The following KCNG3 variants were observed in gnomAD, a reference collection of about 807,000 sequenced individuals.
The protein encoded by KCNG3 is voltage-gated potassium channel regulatory subunit KCNG3.
KCNG3 carries 15 observed loss-of-function variants against 29.0 expected under a neutral mutation model. That is an observed-to-expected ratio of 0.52 (90% CI 0.35 to 0.80). KCNG3 has a LOEUF of 0.80. Among genes scored for constraint, KCNG3 ranks in the 30% least tolerant of loss-of-function variants. The probability of loss-of-function intolerance (pLI) is 0.01; values close to 1 mark genes in which losing one functional copy is unlikely to be tolerated. For synonymous variants in KCNG3, 322 were observed against 248.9 expected (o/e 1.29, Z -2.76); for missense variants, 512 against 605.7 (o/e 0.85, Z 1.62).
chr2:42,396,156 C>A, the KCNG3 span, among the ~76,000 whole-genome samples: 7 of 152,190 alleles, frequency 4.6e-5, no homozygotes, highest in African/African-American at 1.7e-4. Flanking sequence ...GGAATAGTGA[C>A]ATGGGTACTC....
the KCNG3 span, among the ~76,000 whole-genome samples, chr2:42,407,860 C>A: frequency 6.6e-6 from 1 of 152,136 alleles, no homozygotes; most frequent in Non-Finnish European, 1.5e-5. Flanking sequence ...CCCGCCAACT[C>A]TGGGGCAGCT....
At chr2:42,430,056 G>C in the KCNG3 span, among the ~76,000 whole-genome samples, 1 of 152,046 alleles carries the variant, frequency 6.6e-6, no homozygotes, top group Non-Finnish European at 1.5e-5. Flanking sequence ...TTTTCTCTAA[G>C]CAAATTTTAT....
At chr2:42,452,243 A>ATATATATATATATATATATATATTTT in intron 1 of KCNG3, among the ~76,000 whole-genome samples, 45 of 95,014 alleles carry the variant, frequency 4.7e-4, no homozygotes, top group African/African-American at 1.7e-3. Flanking sequence ...ATATATATAT[A>ATATATATATATATATATATATATTTT]TTTTTTTTTT....
the KCNG3 span, among the ~76,000 whole-genome samples, chr2:42,404,076 G>A: frequency 1.2e-4 from 18 of 151,988 alleles, no homozygotes; most frequent in South Asian, 1.0e-3. Context: ...TGGGAAAACC[G>A]GCCCATAAAA....
intron 1 of KCNG3, among the ~76,000 whole-genome samples, chr2:42,464,203 T>C (rs370521788): frequency 1.4e-3 from 210 of 152,346 alleles, no homozygotes; most frequent in African/African-American, 4.9e-3. Flanking sequence ...TACTAGGTAC[T>C]CACTGCAAAC....
At chr2:42,417,880 G>A in the KCNG3 span, among the ~76,000 whole-genome samples, 1 of 152,024 alleles carries the variant, frequency 6.6e-6, no homozygotes, top group African/African-American at 2.4e-5. Flanking sequence ...GCTGAGGCAG[G>A]AGAATTGCTT....
At chr2:42,390,519 G>C in the KCNG3 span, among the ~76,000 whole-genome samples, 1 of 152,062 alleles carries the variant, frequency 6.6e-6, no homozygotes, top group African/African-American at 2.4e-5. Context: ...CAATCCCCAG[G>C]GGCAAAAGTG....
chr2:42,420,703 T>A, the KCNG3 span, among the ~76,000 whole-genome samples: 2 of 152,016 alleles, frequency 1.3e-5, no homozygotes, highest in Non-Finnish European at 2.9e-5. Context: ...GCAGGGAGAA[T>A]CACTTGAACT....
chr2:42,439,957 A>G (rs1423480508), downstream of KCNG3, among the ~76,000 whole-genome samples: 1 of 152,150 alleles, frequency 6.6e-6, no homozygotes, highest in Admixed American at 6.5e-5. Context: ...AAATATTTTT[A>G]AAAGAAATCC....
At chr2:42,449,715 T>C (rs1006354665) in intron 1 of KCNG3, among the ~76,000 whole-genome samples, 2 of 152,022 alleles carry the variant, frequency 1.3e-5, no homozygotes, top group Admixed American at 6.6e-5. Flanking sequence ...CCTCCCAGAG[T>C]GCTGGAATTA....
In KCNG3 at chr2:42,443,603, A is replaced by C; in HGVS notation, c.*331T>G. On this transcript the variant is annotated 3_prime_UTR_variant, in exon 2 of 2. Coordinates refer to ENST00000306078, the MANE Select transcript of KCNG3 (RefSeq NM_133329.6). ...TTCTTCTGAATTCATAAGATGGAAA[A>C]ACATTTGGAAAATAGTACCTTTCTG... 1 of 192,566 alleles carries C rather than the reference A, an allele frequency of 5.2e-6. No homozygotes were observed. The highest frequency in any genetic ancestry group is 1.1e-5 in the Non-Finnish European group (1 of 95,022). The allele number at this position is 192,566 out of a possible 1,614,324, so 11.9% of individuals were successfully genotyped here.
intron 1 of KCNG3, among the ~76,000 whole-genome samples, chr2:42,478,823 A>C (rs1002367270): frequency 5.3e-5 from 8 of 152,304 alleles, no homozygotes; most frequent in African/African-American, 1.9e-4. Context: ...TTCCTTTCTT[A>C]AAGTGTGCAT....
At chr2:42,484,510 A>G (rs1254357050) in intron 1 of KCNG3, among the ~76,000 whole-genome samples, 4 of 152,162 alleles carry the variant, frequency 2.6e-5, no homozygotes, top group African/African-American at 2.4e-5. Context: ...GTATGTGTGT[A>G]TATATATGTA....
At chr2:42,421,204 C>T in the KCNG3 span, among the ~76,000 whole-genome samples, 2 of 152,164 alleles carry the variant, frequency 1.3e-5, no homozygotes, top group African/African-American at 2.4e-5. Context: ...TGTGTTCATT[C>T]GACATTTACT....
chr2:42,473,560 G>C (rs955618008), intron 1 of KCNG3, among the ~76,000 whole-genome samples: 1 of 151,458 alleles, frequency 6.6e-6, no homozygotes, highest in East Asian at 2.0e-4. Context: ...ATGTTGGCCA[G>C]GCTGGTCTCG....
At chr2:42,460,041 G>C (rs1432819304) in intron 1 of KCNG3, among the ~76,000 whole-genome samples, 1 of 151,574 alleles carries the variant, frequency 6.6e-6, no homozygotes, top group Non-Finnish European at 1.5e-5. Context: ...AGAACTCTCT[G>C]TGCTGTTTTT....
the KCNG3 span, among the ~76,000 whole-genome samples, chr2:42,415,198 C>T: frequency 6.6e-6 from 1 of 152,164 alleles, no homozygotes; most frequent in Non-Finnish European, 1.5e-5. Context: ...CACATTAGGG[C>T]TCAGAGGTGT....
intron 1 of KCNG3, chr2:42,470,132 G>C: frequency 2.3e-6 from 1 of 441,166 alleles, no homozygotes; most frequent in Non-Finnish European, 4.3e-6. Context: ...GAATAGAAAG[G>C]ATAAGGATGC....
At chr2:42,472,952 AGT>A (rs1282571419) in intron 1 of KCNG3, among the ~76,000 whole-genome samples, 3 of 141,240 alleles carry the variant, frequency 2.1e-5, no homozygotes, top group Non-Finnish European at 1.5e-5. Context: ...CCCAGGCTGG[AGT>A]GCAGTGGCGC....
Sources: allele counts gnomAD v4.1 joint callset (sites outside exome capture counted in the v4.1 genomes callset), GRCh38; gene constraint gnomAD v4.1.1; transcripts MANE v1.5; gene names NCBI Gene and HGNC (gene_info 2026-07-23, HGNC 2026-07-21).